GARNL3: variants seen among roughly 807,000 people sequenced by gnomAD.
GARNL3 encodes GTPase-activating Rap/Ran-GAP domain-like protein 3.
A neutral mutation model predicts 125.0 loss-of-function variants in GARNL3; 63 were observed. The ratio of observed to expected loss-of-function variants is 0.50; its 90% CI spans 0.41 to 0.62. The LOEUF is 0.62. GARNL3 is among the 20% of genes least tolerant of loss of function. The pLI, the probability that GARNL3 is intolerant of heterozygous loss-of-function variation, is 0.00. For missense variants in GARNL3, 994 were observed against 1,244.0 expected (o/e 0.80, Z 3.02); for synonymous variants, 439 against 457.5 (o/e 0.96, Z 0.52).
intron 2 of GARNL3, among the ~76,000 whole-genome samples, chr9:127,291,726 C>CTTTT (rs142800268): frequency 1.2e-4 from 7 of 59,288 alleles, no homozygotes; most frequent in East Asian, 5.0e-4. Flanking sequence ...ACTCACCTTG[C>CTTTT]TTTTTTTTTT....
chr9:127,364,237 A>G lies in GARNL3; in HGVS notation c.2095-1063A>G, dbSNP rs375267942. On this transcript the variant is annotated intron_variant, in intron 21 of 27. Transcript: ENST00000373387. This position sits in a 1 kb window ranked among gnomAD's most constrained non-coding sequence, Gnocchi z 4.2. ...CCCGTGAATTTAGGGTTTTGGGCAC[A>G]AAGCAAAATTTGGAGCTATAGAAGT... is the stretch of plus-strand genomic sequence containing the variant. 6.6e-6 allele frequency: 1 copy of G among 152,322 alleles called. No homozygotes were observed. Among genetic ancestry groups the G allele is most frequent in the African/African-American group, 2.4e-5 (1 of 41,468 alleles). 9.4% of individuals were successfully genotyped at this position (152,322 alleles called of 1,614,324 possible). A position where few individuals can be genotyped will look rare whatever the true frequency, so the allele number is the denominator to read the frequency against.
chr9:127,234,568 A>G (rs2063077199), intron 1 of GARNL3, among the ~76,000 whole-genome samples: 1 of 152,232 alleles, frequency 6.6e-6, no homozygotes, highest in Non-Finnish European at 1.5e-5. Flanking sequence ...ATGAGTTAGC[A>G]ATGAGGTGTG....
At chr9:127,330,755 A>T (rs1472060996) in intron 7 of GARNL3, among the ~76,000 whole-genome samples, 2 of 152,196 alleles carry the variant, frequency 1.3e-5, no homozygotes, top group African/African-American at 4.8e-5. Context: ...GCTGAAACCT[A>T]CGTGATGGGA....
At chr9:127,331,087 A>C (rs922037005) in intron 7 of GARNL3, among the ~76,000 whole-genome samples, 7 of 152,044 alleles carry the variant, frequency 4.6e-5, no homozygotes, top group Non-Finnish European at 7.4e-5. Flanking sequence ...TGGTGGGTCA[A>C]CCAACCTTGT....
chr9:127,393,405 C>T lies in GARNL3; in HGVS notation c.*151C>T. On this transcript the variant is annotated 3_prime_UTR_variant, in exon 28 of 28. Coordinates refer to ENST00000373387, the MANE Select transcript of GARNL3 (RefSeq NM_032293.5). ...TCTGCACACTCGGCCAGTTCCCTCT[C>T]CAATGTCCGGTGCCATCTTTCCTGA... The T allele has an allele frequency of 1.7e-6, 1 of 572,436 alleles. No individual in the cohort carries two copies. The highest frequency in any genetic ancestry group is 3.0e-6 in the Non-Finnish European group (1 of 331,136). 35.5% of individuals were successfully genotyped at this position (572,436 alleles called of 1,614,324 possible). A position where few individuals can be genotyped will look rare whatever the true frequency, so the allele number is the denominator to read the frequency against.
In GARNL3 at chr9:127,266,674, A is replaced by C. The variant is rs777025235; in HGVS notation, c.144+1653A>C. ...AGGGTTGTTATGAGGATTAAATGAG[A>C]TCATGTACATAAAGTACTTAGCACA... On this transcript the variant is annotated intron_variant, in intron 1 of 27. Transcript: ENST00000373387. The surrounding 1 kb of genome is among the most constrained non-coding windows in gnomAD (Gnocchi z 4.0). Among the ~76,000 whole-genome samples, 16 of 152,230 alleles carry C rather than the reference A, an allele frequency of 1.1e-4. No homozygotes were observed. The highest frequency in any genetic ancestry group is 1.9e-4 in the Non-Finnish European group (13 of 68,040).
intron 4 of GARNL3, among the ~76,000 whole-genome samples, chr9:127,313,795 G>A (rs546377874): frequency 8.6e-5 from 13 of 151,884 alleles, no homozygotes; most frequent in African/African-American, 2.4e-4. Context: ...GCTAATTACC[G>A]CATTCTAGTC....
At position 127,266,190 on chromosome 9, in the gene GARNL3, G is replaced by C. The variant is rs1276988806; in HGVS notation, c.144+1169G>C. 6.6e-6 allele frequency among the ~76,000 whole-genome samples: 1 copy of C among 152,120 alleles called. No homozygotes were observed. Among genetic ancestry groups the C allele is most frequent in the African/African-American group, 2.4e-5 (1 of 41,418 alleles). On this transcript the variant is annotated intron_variant, in intron 1 of 27. Coordinates refer to ENST00000373387, the MANE Select transcript of GARNL3 (RefSeq NM_032293.5). This position sits in a 1 kb window ranked among gnomAD's most constrained non-coding sequence, Gnocchi z 4.0. The stretch of plus-strand genomic sequence containing the variant: ...TAGCTATAAGTCAGAGTAGGAATTG[G>C]TACTGTGAAAGAGATGCATGTAGAG...
At chr9:127,342,394 C>T in intron 14 of GARNL3, 60 bp downstream of exon 14, 5 of 1,116,556 alleles carry the variant, frequency 4.5e-6, no homozygotes, top group South Asian at 1.3e-5. Flanking sequence ...GAACACAAGT[C>T]CTCAACTCAG....
chr9:127,339,478 G>A (rs1434809187), intron 12 of GARNL3, among the ~76,000 whole-genome samples, 167 bp from the exon 13 acceptor site: 8 of 152,070 alleles, frequency 5.3e-5, no homozygotes, highest in Admixed American at 3.3e-4. Context: ...TCACTATCAC[G>A]AGAATAGCAC....
chr9:127,343,372 A>T (rs997324277), intron 14 of GARNL3, among the ~76,000 whole-genome samples: 3 of 152,286 alleles, frequency 2.0e-5, no homozygotes, highest in African/African-American at 7.2e-5. Flanking sequence ...ATGAGCAATG[A>T]TGTCCTTCAA....
chr9:127,277,787 T>A (rs1322361560), intron 1 of GARNL3, among the ~76,000 whole-genome samples: 1 of 152,190 alleles, frequency 6.6e-6, no homozygotes, highest in African/African-American at 2.4e-5. Flanking sequence ...AGTGTCATTT[T>A]TTCCATGCAG....
At chr9:127,239,123 A>T (rs1302125251) in intron 1 of GARNL3, among the ~76,000 whole-genome samples, 1 of 151,632 alleles carries the variant, frequency 6.6e-6, no homozygotes, top group East Asian at 1.9e-4. Context: ...TCCAGCCTTC[A>T]CCCCCACTTC....
At chr9:127,359,252 G>T (rs1027927101) in intron 21 of GARNL3, among the ~76,000 whole-genome samples, 1 of 152,154 alleles carries the variant, frequency 6.6e-6, no homozygotes, top group Admixed American at 6.5e-5. Context: ...CACTTTGGGC[G>T]GCCAAGGCCG....
In GARNL3 at chr9:127,386,843, A is replaced by G. The variant is rs77812156; in HGVS notation, c.2389-350A>G. ...GCCAAATGGGCCTAACTGAATCCCT[A>G]AGATCTTTCCCGTTCTAACACTCCA... On this transcript the variant is annotated intron_variant, in intron 24 of 27. Transcript: ENST00000373387. Among the ~76,000 whole-genome samples, 17 of 152,336 alleles carry G rather than the reference A, an allele frequency of 1.1e-4. No individual in the cohort carries two copies. The East Asian group carries it at 2.7e-3, about 24-fold the overall frequency.
intron 1 of GARNL3, among the ~76,000 whole-genome samples, chr9:127,288,735 A>G (rs11789870): frequency 6.0e-4 from 91 of 152,232 alleles, no homozygotes; most frequent in Non-Finnish European, 1.2e-3. Flanking sequence ...AACAAATGAA[A>G]AGAGCATTAT....
chr9:127,292,740 C>T (rs988130261), intron 2 of GARNL3, among the ~76,000 whole-genome samples: 2 of 152,238 alleles, frequency 1.3e-5, no homozygotes, highest in Non-Finnish European at 2.9e-5. Flanking sequence ...TCAAACACTG[C>T]TCACCTGGCC....
intron 2 of GARNL3, among the ~76,000 whole-genome samples, chr9:127,302,218 A>G (rs1018289079): frequency 6.6e-6 from 1 of 152,078 alleles, no homozygotes; most frequent in African/African-American, 2.4e-5. Context: ...CTTGGATTAC[A>G]GGCTTGAGCC....
intron 2 of GARNL3, among the ~76,000 whole-genome samples, chr9:127,246,852 T>C (rs545903096): frequency 1.3e-5 from 2 of 151,798 alleles, no homozygotes; most frequent in South Asian, 4.2e-4. Context: ...CAGTAACATC[T>C]TTGGGAACAG....
Sources: allele counts gnomAD v4.1 joint callset (sites outside exome capture counted in the v4.1 genomes callset), GRCh38; gene constraint gnomAD v4.1.1; non-coding constraint Gnocchi (gnomAD v3.1); transcripts MANE v1.5; gene names NCBI Gene and HGNC (gene_info 2026-07-23, HGNC 2026-07-21).